ROBO1: variants seen among roughly 807,000 people sequenced by gnomAD.
ROBO1 encodes roundabout homolog 1.
A neutral mutation model predicts 195.9 loss-of-function variants in ROBO1; 149 were observed. The observed-to-expected ratio is 0.76, with a 90% CI of 0.67 to 0.87. The LOEUF is 0.87. Among genes scored for constraint, ROBO1 ranks in the 40% least tolerant of loss-of-function variants. ROBO1 has a pLI of 0.00. For synonymous variants in ROBO1, 816 were observed against 733.2 expected (o/e 1.11, Z -1.82); for missense variants, 1,933 against 2,068.3 (o/e 0.93, Z 1.27).
intron 1 of ROBO1, among the ~76,000 whole-genome samples, chr3:79,613,893 A>G (rs1576118726): frequency 1.3e-5 from 2 of 152,108 alleles, no homozygotes; most frequent in South Asian, 4.1e-4. Context: ...TTAACATCAA[A>G]TAAAGCCAAC....
intron 1 of ROBO1, among the ~76,000 whole-genome samples, chr3:79,598,247 A>C (rs1350086125): frequency 6.6e-6 from 1 of 152,084 alleles, no homozygotes; most frequent in African/African-American, 2.4e-5. Context: ...TACATCTATT[A>C]GTCTCATGTA....
intron 10 of ROBO1, among the ~76,000 whole-genome samples, chr3:78,678,548 T>C (rs2107774807): frequency 6.6e-6 from 1 of 152,138 alleles, no homozygotes; most frequent in Admixed American, 6.5e-5. Context: ...TACAAACACC[T>C]CTACGCAAAT....
chr3:79,598,912 G>A (rs529618724), intron 1 of ROBO1, among the ~76,000 whole-genome samples: 52 of 152,146 alleles, frequency 3.4e-4, no homozygotes, highest in African/African-American at 1.3e-3. Flanking sequence ...GAGGTCCTGA[G>A]CCTGTCCATG....
chr3:79,020,551 G>T lies in ROBO1; in HGVS notation c.173-81624C>A, dbSNP rs1469884587. On this transcript the variant is annotated intron_variant, in intron 3 of 30. Transcript: ENST00000464233. ...TACTAAAAATTCAAAAATTAGCCGGGCGTGGTGGCGTTCGCCTGTAGCCCC... is the reference window on the plus strand; with the variant it reads ...TACTAAAAATTCAAAAATTAGCCGGTCGTGGTGGCGTTCGCCTGTAGCCCC... Among the ~76,000 whole-genome samples the T allele has an allele frequency of 2.6e-5, 4 of 152,242 alleles. No homozygotes were observed. In the East Asian group the frequency reaches 7.8e-4, roughly 30 times the overall value.
intron 2 of ROBO1, among the ~76,000 whole-genome samples, chr3:79,476,994 AAT>A (rs1938576350): frequency 6.6e-6 from 1 of 152,130 alleles, no homozygotes; most frequent in African/African-American, 2.4e-5. Context: ...ATGTTATGTA[AAT>A]ATGTGCTTTT....
At chr3:78,750,891 G>A (rs549956561) in intron 4 of ROBO1, among the ~76,000 whole-genome samples, 1 of 152,222 alleles carries the variant, frequency 6.6e-6, no homozygotes, top group African/African-American at 2.4e-5. Context: ...TATGAGAAGG[G>A]GACCAGAAGA....
chr3:79,209,615 C>T (rs1340774964), intron 2 of ROBO1, among the ~76,000 whole-genome samples: 1 of 152,106 alleles, frequency 6.6e-6, no homozygotes, highest in Non-Finnish European at 1.5e-5. Flanking sequence ...TTTACATTCT[C>T]ATCAGCAGTG....
chr3:78,771,756 C>G (rs1238755175), intron 4 of ROBO1, among the ~76,000 whole-genome samples: 1 of 152,098 alleles, frequency 6.6e-6, no homozygotes, highest in African/African-American at 2.4e-5. Context: ...TGAAACTTTA[C>G]TACTCATTTA....
intron 2 of ROBO1, among the ~76,000 whole-genome samples, chr3:79,430,203 T>C (rs1292685799): frequency 6.6e-6 from 1 of 152,138 alleles, no homozygotes; most frequent in Admixed American, 6.6e-5. Flanking sequence ...AACTGGTCTT[T>C]TGAAATATCT....
chr3:78,701,125 T>C (rs775349478), intron 8 of ROBO1, among the ~76,000 whole-genome samples: 1 of 152,224 alleles, frequency 6.6e-6, no homozygotes, highest in Non-Finnish European at 1.5e-5. Flanking sequence ...TTGTTTGTAA[T>C]TTTAAAAAGA....
intron 1 of ROBO1, among the ~76,000 whole-genome samples, chr3:79,649,860 A>G (rs150165479): frequency 7.0e-4 from 106 of 152,174 alleles, no homozygotes; most frequent in African/African-American, 2.5e-3. Context: ...GATCGGACGC[A>G]TCCTTCCTCT....
intron 2 of ROBO1, among the ~76,000 whole-genome samples, chr3:79,490,036 C>T (rs1040499495): frequency 1.1e-4 from 17 of 152,092 alleles, no homozygotes; most frequent in African/African-American, 3.9e-4. Flanking sequence ...GCCTTGAAGC[C>T]GAGGACTTTG....
At chr3:79,126,568 A>T (rs2080219135) in intron 2 of ROBO1, among the ~76,000 whole-genome samples, 1 of 152,184 alleles carries the variant, frequency 6.6e-6, no homozygotes, top group African/African-American at 2.4e-5. Flanking sequence ...ACAATAAAAA[A>T]CAAGAGTGTA....
intron 2 of ROBO1, among the ~76,000 whole-genome samples, chr3:79,201,323 T>C (rs1200237547): frequency 1.3e-5 from 2 of 152,014 alleles, no homozygotes; most frequent in East Asian, 3.9e-4. Context: ...CTTTGCAGTT[T>C]ATTTTTCTGT....
chr3:78,745,416 G>A (rs2082633857), intron 5 of ROBO1, among the ~76,000 whole-genome samples: 1 of 151,878 alleles, frequency 6.6e-6, no homozygotes, highest in Admixed American at 6.6e-5. Flanking sequence ...TAATGTGTTT[G>A]AATAAGTAAG....
intron 4 of ROBO1, among the ~76,000 whole-genome samples, chr3:78,913,051 T>C (rs1212459131): frequency 1.3e-5 from 2 of 152,154 alleles, no homozygotes; most frequent in African/African-American, 4.8e-5. Context: ...CTGAAAAATG[T>C]TACCTTTATT....
chr3:78,883,988 G>C (rs941820783), intron 4 of ROBO1, among the ~76,000 whole-genome samples: 2 of 152,164 alleles, frequency 1.3e-5, no homozygotes, highest in Non-Finnish European at 2.9e-5. Context: ...CCTCATGTGT[G>C]GCCAGAGTGT....
chr3:79,534,002 G>A (rs1941756961), intron 2 of ROBO1, among the ~76,000 whole-genome samples: 1 of 152,030 alleles, frequency 6.6e-6, no homozygotes, highest in Non-Finnish European at 1.5e-5. Context: ...TTAGTCCAGT[G>A]TGCTCACGAG....
At chr3:79,484,753 A>ATTTTTTTTTTTTTT (rs1402757273) in intron 2 of ROBO1, among the ~76,000 whole-genome samples, 38 of 17,660 alleles carry the variant, frequency 2.2e-3, no homozygotes, top group Admixed American at 2.8e-3. Flanking sequence ...TCATTGCACT[A>ATTTTTTTTTTTTTT]TCTTTTTTTT....
Sources: gnomAD v4.1 joint callset for allele counts (sites outside exome capture counted in the v4.1 genomes callset) on GRCh38, gnomAD v4.1.1 for gene constraint, MANE v1.5 for transcripts, NCBI Gene and HGNC (gene_info 2026-07-23, HGNC 2026-07-21) for gene names.